The following ART1 variants were observed in gnomAD, a reference collection of about 807,000 sequenced individuals.
ART1 encodes ADP-ribosyltransferase 1.
Under a neutral mutation model 27.0 loss-of-function variants are expected in ART1, and 29 were observed. The observed-to-expected ratio is 1.08, with a 90% confidence interval of 0.80 to 1.47. The LOEUF is 1.47. Among genes scored for constraint, ART1 ranks in the 40% most tolerant of loss-of-function variants. The pLI, the probability that ART1 is intolerant of heterozygous loss-of-function variation, is 0.00. For synonymous variants in ART1, 201 were observed against 172.2 expected (o/e 1.17, Z -1.31); for missense variants, 480 against 423.0 (o/e 1.13, Z -1.18).
chr11:3,655,211 A>C (rs764075889), intron 1 of ART1, among the ~76,000 whole-genome samples: 1 of 152,162 alleles, frequency 6.6e-6, no homozygotes, highest in African/African-American at 2.4e-5. Flanking sequence ...GAATCTTCCA[A>C]AGAAAAGACT....
At position 3,658,104 on chromosome 11, in the gene ART1, G is replaced by A. The variant is rs539780976; in HGVS notation, c.-52-1058G>A. ...TCCCAACATTTTGGGAGGCTGAGGC[G>A]GGCGGATCACCTGAGGTCAGGAGTT... On this transcript the variant is annotated intron_variant, in intron 1 of 4. Coordinates refer to ENST00000250693, the MANE Select transcript of ART1 (RefSeq NM_004314.3). 2.1e-3 allele frequency among the ~76,000 whole-genome samples: 314 copies of A among 152,050 alleles called. 1 individual carries two copies. Among genetic ancestry groups the A allele is most frequent in the Admixed American group, 5.1e-3 (78 of 15,268 alleles).
chr11:3,647,556 C>A (rs1156768272), intron 1 of ART1, among the ~76,000 whole-genome samples: 1 of 151,896 alleles, frequency 6.6e-6, no homozygotes, highest in Admixed American at 6.6e-5. Context: ...ATCACTTGAA[C>A]CCGGGAGGTA....
Position 3,653,615 on chromosome 11 carries a change from C to T in ART1, c.-52-5547C>T, listed in dbSNP as rs1435688625. Among the ~76,000 whole-genome samples the T allele has an allele frequency of 2.6e-5, 4 of 152,300 alleles. No individual in the cohort carries two copies. In the South Asian group the frequency reaches 6.2e-4, roughly 24 times the overall value. On this transcript the variant is annotated intron_variant, in intron 1 of 4. Coordinates refer to ENST00000250693, the MANE Select transcript of ART1 (RefSeq NM_004314.3). ...GCTCACACAAAGCCTGTTTGGTGGT[C>T]TCTTCACACGGACGCGCATGAAAAG... is the stretch of plus-strand genomic sequence containing the variant.
intron 1 of ART1, among the ~76,000 whole-genome samples, chr11:3,655,115 G>T (rs1160172627): frequency 2.0e-5 from 3 of 152,326 alleles, no homozygotes; most frequent in Admixed American, 6.5e-5. Flanking sequence ...CAGGCCGCCG[G>T]TCTGGCTCAG....
chr11:3,646,691 T>A (rs1247555958), intron 1 of ART1, among the ~76,000 whole-genome samples: 1 of 152,156 alleles, frequency 6.6e-6, no homozygotes, highest in African/African-American at 2.4e-5. Context: ...GGATCTCATC[T>A]CTTCCCTGAT....
At chr11:3,661,480 TC>T in intron 4 of ART1, 67 bp downstream of exon 4, 1 of 772,934 alleles carries the variant, frequency 1.3e-6, no homozygotes, top group Non-Finnish European at 2.0e-6. Flanking sequence ...GTTGGCCCCA[TC>T]ACCTCGATCT....
chr11:3,658,472 G>A (rs567649979), intron 1 of ART1, among the ~76,000 whole-genome samples: 5 of 152,196 alleles, frequency 3.3e-5, no homozygotes, highest in Non-Finnish European at 7.3e-5. Flanking sequence ...TGGAAGGCTT[G>A]TGGTTCCTGC....
intron 1 of ART1, among the ~76,000 whole-genome samples, chr11:3,654,795 C>T (rs1000067978): frequency 2.0e-5 from 3 of 151,314 alleles, no homozygotes; most frequent in African/African-American, 2.4e-5. Context: ...ATTCCACCTC[C>T]TACCTCTGTC....
intron 1 of ART1, among the ~76,000 whole-genome samples, chr11:3,653,378 G>C (rs1285022936): frequency 2.7e-5 from 4 of 148,270 alleles, no homozygotes; most frequent in East Asian, 1.9e-4. Context: ...ACATTGTCTT[G>C]TGAAATTCCT....
intron 4 of ART1, among the ~76,000 whole-genome samples, chr11:3,661,801 C>A (rs929847055): frequency 5.9e-5 from 9 of 151,368 alleles, no homozygotes; most frequent in Admixed American, 3.9e-4. Context: ...CCCGGCCCAC[C>A]TGAATCTTTT....
chr11:3,653,704 G>A lies in ART1; in HGVS notation c.-52-5458G>A, dbSNP rs112358994. ...CTCTGTGTTTCTAGTTTAAAGAATG[G>A]AAACCTGGGTGTCATCCTTGATTTT... On this transcript the variant is annotated intron_variant, in intron 1 of 4. Transcript: ENST00000250693. Among the ~76,000 whole-genome samples, 738 of 152,182 alleles carry A rather than the reference G, an allele frequency of 4.8e-3. 5 individuals carry two copies. Among genetic ancestry groups the A allele is most frequent in the African/African-American group, 0.017 (706 of 41,480 alleles).
At chr11:3,652,261 G>C (rs909043583) in intron 1 of ART1, among the ~76,000 whole-genome samples, 2 of 151,122 alleles carry the variant, frequency 1.3e-5, no homozygotes, top group Admixed American at 1.3e-4. Context: ...GGTCTGAGAA[G>C]GCCACCGCAG....
chr11:3,648,100 C>T (rs1172184381), intron 1 of ART1, among the ~76,000 whole-genome samples: 1 of 152,158 alleles, frequency 6.6e-6, no homozygotes, highest in African/African-American at 2.4e-5. Flanking sequence ...CTACTGAGCA[C>T]CTTGTGACCC....
rs368360706 is a variant in ART1 at position 3,659,670 on chromosome 11, G to A, written c.151G>A (p.Ala51Thr). The change falls in exon 3 of 5, where the codon GCT becomes ACT. Residue 51 changes from alanine (A) to threonine (T), a missense_variant. Coordinates refer to ENST00000250693, the MANE Select transcript of ART1 (RefSeq NM_004314.3). ...MALASFDDQY[A>T]GCAAAMTAAL... Reference sequence around the variant, plus strand: ...CCTGGCCTCCTTTGATGACCAGTACGCTGGCTGTGCTGCTGCCATGACAGC... The same window carrying A: ...CCTGGCCTCCTTTGATGACCAGTACACTGGCTGTGCTGCTGCCATGACAGC... 44 of 1,613,712 alleles carry A rather than the reference G, an allele frequency of 2.7e-5. No individual in the cohort carries two copies. Among genetic ancestry groups the A allele is most frequent in the Non-Finnish European group, 2.8e-5 (33 of 1,180,022 alleles).
chr11:3,657,056 C>T (rs528820924), intron 1 of ART1, among the ~76,000 whole-genome samples: 1 of 152,280 alleles, frequency 6.6e-6, no homozygotes, highest in African/African-American at 2.4e-5. Context: ...ATCCCAGTGT[C>T]TTAGAGTCAC....
chr11:3,659,515 C>T (rs2077600000), intron 2 of ART1, 68 bp from the exon 3 acceptor site: 1 of 1,504,098 alleles, frequency 6.6e-7, no homozygotes, highest in Non-Finnish European at 8.9e-7. Context: ...GAGGGGAGAG[C>T]TGGATGGCAG....
chr11:3,663,124 C>CTCATT lies in ART1; in HGVS notation c.887-964_887-963insTTCAT, dbSNP rs1554883267. 2.0e-3 allele frequency among the ~76,000 whole-genome samples: 295 copies of CTCATT among 147,472 alleles called. 5 individuals are homozygous for CTCATT. The highest frequency in any genetic ancestry group is 7.3e-3 in the African/African-American group (286 of 38,912). ...CTCATCTCATCTCATCTCATCTCAT[C>CTCATT]TCATCTCATCTCATCTCATCATCAT... On this transcript the variant is annotated intron_variant, in intron 4 of 4. Coordinates refer to ENST00000250693, the MANE Select transcript of ART1 (RefSeq NM_004314.3).
At chr11:3,653,815 T>C (rs1366862919) in intron 1 of ART1, among the ~76,000 whole-genome samples, 2 of 143,832 alleles carry the variant, frequency 1.4e-5, no homozygotes, top group African/African-American at 5.3e-5. Flanking sequence ...ACTGCCATTC[T>C]CCCATCAGAC....
At chr11:3,653,656 T>C (rs1286029794) in intron 1 of ART1, among the ~76,000 whole-genome samples, 17 of 152,166 alleles carry the variant, frequency 1.1e-4, no homozygotes, top group Admixed American at 1.1e-3. Flanking sequence ...CTTCGTATTT[T>C]TTTTAAATCT....
Sources: allele counts gnomAD v4.1 joint callset (sites outside exome capture counted in the v4.1 genomes callset), GRCh38; gene constraint gnomAD v4.1.1; transcripts MANE v1.5; gene names NCBI Gene and HGNC (gene_info 2026-07-23, HGNC 2026-07-21).